C14orf93: variants seen among roughly 807,000 people sequenced by gnomAD.
C14orf93 encodes chromosome 14 open reading frame 93, also known as uncharacterized protein C14orf93.
Under a neutral mutation model 44.0 loss-of-function variants are expected in C14orf93, and 23 were observed. The ratio of observed to expected loss-of-function variants is 0.52; its 90% CI spans 0.38 to 0.74. C14orf93 has a LOEUF of 0.74. Among genes scored for constraint, C14orf93 ranks in the 30% least tolerant of loss-of-function variants. C14orf93 has a pLI of 0.00. For missense variants in C14orf93, 579 were observed against 678.9 expected (o/e 0.85, Z 1.64); for synonymous variants, 253 against 265.7 (o/e 0.95, Z 0.46).
At chr14:22,994,434 C>A (rs1466739929) in intron 3 of C14orf93, among the ~76,000 whole-genome samples, 1 of 151,854 alleles carries the variant, frequency 6.6e-6, no homozygotes, top group Non-Finnish European at 1.5e-5. Context: ...TCGCTTGAAC[C>A]TGGGAGGCTT....
At chr14:23,006,140 C>G (rs569152471) in intron 1 of C14orf93, 1 of 152,324 alleles carries the variant, frequency 6.6e-6, no homozygotes, top group South Asian at 2.1e-4. Flanking sequence ...TCATAATCTT[C>G]ATTTTAAGAA....
At chr14:22,988,935 A>T (rs1279025387) in intron 5 of C14orf93, among the ~76,000 whole-genome samples, 3 of 152,118 alleles carry the variant, frequency 2.0e-5, no homozygotes, top group African/African-American at 7.2e-5. Context: ...TTAAAAAAAA[A>T]TTTAAAAACA....
At chr14:23,006,850 G>A (rs1052829302) in intron 1 of C14orf93, 8 of 152,342 alleles carry the variant, frequency 5.3e-5, no homozygotes, top group Admixed American at 5.2e-4. Flanking sequence ...AGTGCGCTCT[G>A]GGAGTCCCGG....
intron 1 of C14orf93, among the ~76,000 whole-genome samples, chr14:23,008,665 GT>G (rs2046753552): frequency 1.3e-5 from 2 of 152,184 alleles, no homozygotes; most frequent in Admixed American, 1.3e-4. Context: ...TGAGGAGATA[GT>G]GATTCTGTAA....
chr14:22,991,440 T>C (rs924042517), intron 3 of C14orf93, among the ~76,000 whole-genome samples: 3 of 147,860 alleles, frequency 2.0e-5, no homozygotes, highest in Admixed American at 1.4e-4. Flanking sequence ...AGATGGGGTT[T>C]CACCATGTTG....
chr14:22,997,767 C>T (rs746918947), intron 2 of C14orf93, among the ~76,000 whole-genome samples: 1 of 151,922 alleles, frequency 6.6e-6, no homozygotes, highest in Non-Finnish European at 1.5e-5. Flanking sequence ...TTGGCCATTT[C>T]TTTTTCTCAT....
intron 1 of C14orf93, chr14:23,007,260 A>C (rs1322049554): frequency 6.6e-6 from 1 of 152,256 alleles, no homozygotes; most frequent in African/African-American, 2.4e-5. Context: ...GGCTGCAAAC[A>C]ACAGTCACTC....
chr14:23,000,714 C>CAAAA (rs758471653), intron 1 of C14orf93, among the ~76,000 whole-genome samples: 3 of 55,056 alleles, frequency 5.4e-5, no homozygotes, highest in African/African-American at 1.3e-4. Context: ...GACTCCACCT[C>CAAAA]AAAAAAAAAA....
chr14:22,987,752 A>G lies in C14orf93; in HGVS notation c.1198-118T>C, dbSNP rs1325809407. ...CTGTGCCTAAGTGAACCCAGTCCCC[A>G]AGTCAGATCTTAGCATTGGCTCACT... On this transcript the variant is annotated intron_variant, in intron 6 of 6. Coordinates refer to ENST00000299088, the MANE Select transcript of C14orf93 (RefSeq NM_021944.4). The surrounding 1 kb of genome is among the most constrained non-coding windows in gnomAD (Gnocchi z 5.6). 5 of 1,264,072 alleles carry G rather than the reference A, an allele frequency of 4.0e-6. No homozygotes were observed. The East Asian group carries it at 1.2e-4, about 30-fold the overall frequency. 78.3% of individuals were successfully genotyped at this position (1,264,072 alleles called of 1,614,324 possible).
chr14:22,987,695 G>A lies in C14orf93; in HGVS notation c.1198-61C>T. On this transcript the variant is annotated intron_variant, in intron 6 of 6. Coordinates refer to ENST00000299088, the MANE Select transcript of C14orf93 (RefSeq NM_021944.4). The surrounding 1 kb of genome is among the most constrained non-coding windows in gnomAD (Gnocchi z 5.6). ...AAACATTCTATGGATTAGATTTGGG[G>A]AAAAGGTTTGGTGGGGAAGGCTGTG... The A allele has an allele frequency of 6.7e-7, 1 of 1,499,930 alleles. No homozygotes were observed. Among genetic ancestry groups the A allele is most frequent in the Non-Finnish European group, 8.9e-7 (1 of 1,121,132 alleles). 92.9% of individuals were successfully genotyped at this position (1,499,930 alleles called of 1,614,324 possible). A position where few individuals can be genotyped will look rare whatever the true frequency, so the allele number is the denominator to read the frequency against.
chr14:23,001,475 AT>A (rs963074990), intron 1 of C14orf93, among the ~76,000 whole-genome samples: 4 of 151,854 alleles, frequency 2.6e-5, no homozygotes, highest in African/African-American at 7.3e-5. Flanking sequence ...TTTATTTATC[AT>A]TTTTTTGAGA....
chr14:23,009,847 A>G (rs981572585), intron 1 of C14orf93, among the ~76,000 whole-genome samples: 1 of 151,992 alleles, frequency 6.6e-6, no homozygotes, highest in African/African-American at 2.4e-5. Flanking sequence ...AATGTGATTT[A>G]AAAAAAAGAA....
At chr14:22,999,874 C>T (rs987439903) in intron 1 of C14orf93, 1 of 152,154 alleles carries the variant, frequency 6.6e-6, no homozygotes. Context: ...GGGATGAGGG[C>T]AGGGAAATGA....
At chr14:23,004,267 G>A (rs986220601) in intron 1 of C14orf93, among the ~76,000 whole-genome samples, 1 of 150,754 alleles carries the variant, frequency 6.6e-6, no homozygotes, top group Non-Finnish European at 1.5e-5. Context: ...CTGGAGTGCA[G>A]TGGCACGATT....
intron 2 of C14orf93, chr14:22,998,084 A>T (rs1013586378): frequency 4.0e-6 from 1 of 248,792 alleles, no homozygotes; most frequent in African/African-American, 2.2e-5. Context: ...TAAAATATGA[A>T]TGAGCCGTCT....
At chr14:22,988,097 T>C (rs1009296220) in intron 5 of C14orf93, 82 bp from the exon 6 acceptor site, 7 of 909,642 alleles carry the variant, frequency 7.7e-6, no homozygotes, top group African/African-American at 5.0e-5. Flanking sequence ...CCTAACACTA[T>C]TGAATGGGAG....
chr14:22,999,055 C>A lies in C14orf93; in HGVS notation c.-32G>T. 1 of 1,565,834 alleles carries A rather than the reference C, an allele frequency of 6.4e-7. No homozygotes were observed. On this transcript the variant is annotated 5_prime_UTR_variant, in exon 2 of 7. Coordinates refer to ENST00000299088, the MANE Select transcript of C14orf93 (RefSeq NM_021944.4). Reference sequence around the variant, plus strand: ...TGGGGCAGTAACAACCACGCTTACACTGCTGGGCCGCTCCAACAGGTAGGA... The same window carrying A: ...TGGGGCAGTAACAACCACGCTTACAATGCTGGGCCGCTCCAACAGGTAGGA...
rs756697894 is a variant in C14orf93 at position 22,998,971 on chromosome 14, C to T, written c.53G>A (p.Arg18Lys). 6.2e-7 allele frequency: 1 copy of T among 1,613,552 alleles called. No homozygotes were observed. Among genetic ancestry groups the T allele is most frequent in the South Asian group, 1.1e-5 (1 of 91,060 alleles). Residue 18 changes from arginine (R) to lysine (K), a missense_variant, in exon 2 of 7, where the codon AGA (arginine) becomes AAA (lysine). By Grantham distance (26) the Arg-to-Lys change is conservative. Transcript: ENST00000299088. ...ACTCTTACAGGCGCAGCAGCAGCAT[C>T]TGGCCTCGCTGCCACTGGGAGGGGA... ...LFSPPSGSEA[R>K]CCCCACKSET...
chr14:23,009,703 A>G (rs2046787272), intron 1 of C14orf93, among the ~76,000 whole-genome samples: 1 of 152,146 alleles, frequency 6.6e-6, no homozygotes, highest in Admixed American at 6.5e-5. Context: ...GGGAGCCTCA[A>G]ATCTCTCTGC....
Sources: gnomAD v4.1 joint callset for allele counts (sites outside exome capture counted in the v4.1 genomes callset) on GRCh38, gnomAD v4.1.1 for gene constraint, Gnocchi (gnomAD v3.1) non-coding constraint, MANE v1.5 for transcripts, NCBI Gene and HGNC (gene_info 2026-07-23, HGNC 2026-07-21) for gene names.